Variants in MAP1B observed in about 807,000 individuals in gnomAD.
The protein encoded by MAP1B is microtubule associated protein 1B.
Under a neutral mutation model 176.1 loss-of-function variants are expected in MAP1B, and 12 were observed. That is an observed-to-expected ratio of 0.07 (90% CI 0.04 to 0.11). The LOEUF is 0.11. Ranked by LOEUF, MAP1B falls within the 10% of genes least tolerant of loss-of-function variation. MAP1B has a pLI of 1.00. For synonymous variants in MAP1B, 1,044 were observed against 1,135.0 expected (o/e 0.92, Z 1.61); for missense variants, 2,523 against 2,990.5 (o/e 0.84, Z 3.65).
chr5:72,112,585 A>T lies in MAP1B; in HGVS notation c.185-3113A>T, dbSNP rs1198792241. Among the ~76,000 whole-genome samples the T allele has an allele frequency of 2.0e-5, 3 of 152,070 alleles. No homozygotes were observed. The East Asian group carries it at 5.8e-4, about 29-fold the overall frequency. ...AGCCTCCCTTGTGTGCACTGCTACC[A>T]CCTGGGGTCAGAGAACTGAGAAGGA... On this transcript the variant is annotated intron_variant, in intron 1 of 6. Coordinates refer to ENST00000296755, the MANE Select transcript of MAP1B (RefSeq NM_005909.5).
Position 72,186,706 on chromosome 5 carries a change from C to A in MAP1B, c.462C>A (p.Ser154=). The A allele has an allele frequency of 6.2e-7, 1 of 1,614,114 alleles. No homozygotes were observed. The highest frequency in any genetic ancestry group is 8.5e-7 in the Non-Finnish European group (1 of 1,180,002). ...FENTGELILQ[S]GSFSFQNFIE... is the part of the protein sequence containing the mutation. ...ATACCGGAGAGCTCATTCTCCAGTC[C>A]GGCTCTTTCTCCTTCCAGAACTTCA... Residue 154 remains serine, a synonymous_variant, in exon 4 of 7, where the codon TCC becomes TCA. Coordinates refer to ENST00000296755, the MANE Select transcript of MAP1B (RefSeq NM_005909.5). This position sits in a 1 kb window ranked among gnomAD's most constrained non-coding sequence, Gnocchi z 4.3.
Position 72,207,646 on chromosome 5 carries a change from G to A in MAP1B, c.*2407G>A, listed in dbSNP as rs1301352908. On this transcript the variant is annotated 3_prime_UTR_variant, in exon 7 of 7. Coordinates refer to ENST00000296755, the MANE Select transcript of MAP1B (RefSeq NM_005909.5). ...TTGTGACGCCAATGAATTTCATTGAGTATAAACTCATCTACTTCAAATTTA... is the reference window on the plus strand; with the variant it reads ...TTGTGACGCCAATGAATTTCATTGAATATAAACTCATCTACTTCAAATTTA... 1 of 152,262 alleles carries A rather than the reference G, an allele frequency of 6.6e-6. No homozygotes were observed. The highest frequency in any genetic ancestry group is 1.9e-4 in the East Asian group (1 of 5,190). The allele number at this position is 152,262 out of a possible 1,614,324, so 9.4% of individuals were successfully genotyped here. A position where few individuals can be genotyped will look rare whatever the true frequency, so the allele number is the denominator to read the frequency against.
chr5:72,123,019 C>T (rs1215584239), intron 2 of MAP1B, among the ~76,000 whole-genome samples: 1 of 152,106 alleles, frequency 6.6e-6, no homozygotes, highest in East Asian at 1.9e-4. Flanking sequence ...TTTGCTTTTT[C>T]TGCCTGCTTT....
chr5:72,194,665 T>A lies in MAP1B; in HGVS notation c.1310T>A (p.Phe437Tyr). 1 of 1,614,150 alleles carries A rather than the reference T, an allele frequency of 6.2e-7. No homozygotes were observed. The highest frequency in any genetic ancestry group is 8.5e-7 in the Non-Finnish European group (1 of 1,180,034). The change falls in exon 5 of 7, where the codon TTT becomes TAT. Residue 437 changes from phenylalanine to tyrosine, a missense_variant. This residue lies in a region of MAP1B where 1,925 missense variants were observed against 2,126.0 expected (regional missense o/e 0.91). Coordinates refer to ENST00000296755, the MANE Select transcript of MAP1B (RefSeq NM_005909.5). The surrounding 1 kb of genome is among the most constrained non-coding windows in gnomAD (Gnocchi z 7.2). Reference protein sequence around the residue: ...PVKSSKEMQYFMQQWTGTNKD... With the variant: ...PVKSSKEMQYYMQQWTGTNKD... ...AAGAGCAGCAAGGAAATGCAGTATTTTATGCAGCAGTGGACTGGTACCAAC... is the reference window on the plus strand; with the variant it reads ...AAGAGCAGCAAGGAAATGCAGTATTATATGCAGCAGTGGACTGGTACCAAC...
At chr5:72,179,513 T>C (rs1746721769) in intron 2 of MAP1B, 1 of 564,348 alleles carries the variant, frequency 1.8e-6, no homozygotes, top group East Asian at 1.4e-4. Flanking sequence ...ATATGCAACT[T>C]TGTGAGCATC....
chr5:72,150,969 G>A (rs1440933345), intron 2 of MAP1B, among the ~76,000 whole-genome samples: 2 of 152,138 alleles, frequency 1.3e-5, no homozygotes, highest in African/African-American at 4.8e-5. Context: ...ACAAAGCTTT[G>A]GATAAATGGG....
In MAP1B at chr5:72,199,302, C is replaced by T; in HGVS notation, c.5947C>T (p.Leu1983Phe). 2 of 1,614,126 alleles carry T rather than the reference C, an allele frequency of 1.2e-6. No individual in the cohort carries two copies. Among genetic ancestry groups the T allele is most frequent in the Non-Finnish European group, 1.7e-6 (2 of 1,180,036 alleles). The change falls in exon 5 of 7, where the codon CTT (leucine) becomes TTT (phenylalanine). Residue 1983 changes from leucine (L) to phenylalanine (F), a missense_variant. Physicochemically the swap from Leu to Phe is conservative, Grantham distance 22. Coordinates refer to ENST00000296755, the MANE Select transcript of MAP1B (RefSeq NM_005909.5). This position sits in a 1 kb window ranked among gnomAD's most constrained non-coding sequence, Gnocchi z 4.2. ...SYEKTERSRR[L>F]LDDISNGYDD... The stretch of plus-strand genomic sequence containing the variant: ...TGAAAAGACTGAGAGGTCTAGAAGG[C>T]TTCTGGATGACATCAGCAATGGCTA...
intron 2 of MAP1B, chr5:72,179,579 G>T: frequency 1.0e-6 from 1 of 981,452 alleles, no homozygotes; most frequent in Non-Finnish European, 1.2e-6. Context: ...GGCACCCACG[G>T]GTATGCCAGG....
chr5:72,197,167 C>T lies in MAP1B; in HGVS notation c.3812C>T (p.Pro1271Leu). The change falls in exon 5 of 7, where the codon CCC becomes CTC. Residue 1271 changes from proline (P) to leucine (L), a missense_variant. Physicochemically the swap from Pro to Leu is moderately conservative, Grantham distance 98 (BLOSUM62 -3). Coordinates refer to ENST00000296755, the MANE Select transcript of MAP1B (RefSeq NM_005909.5). ...CCACCATCACCCTTAGAAAAGACCC[C>T]CCTGGGTGAACGTAGTGTGAACTTC... is the stretch of plus-strand genomic sequence containing the variant. ...PSPPSPLEKT[P>L]LGERSVNFSL... is the part of the protein sequence containing the mutation. The T allele has an allele frequency of 6.2e-7, 1 of 1,614,170 alleles. No individual in the cohort carries two copies. Among genetic ancestry groups the T allele is most frequent in the Non-Finnish European group, 8.5e-7 (1 of 1,180,028 alleles).
intron 2 of MAP1B, among the ~76,000 whole-genome samples, chr5:72,148,711 G>C (rs988028576): frequency 6.6e-6 from 1 of 152,270 alleles, no homozygotes; most frequent in Non-Finnish European, 1.5e-5. Flanking sequence ...AAGGAGGTGT[G>C]TTTGCAGTAA....
Position 72,198,655 on chromosome 5 carries a change from C to T in MAP1B, c.5300C>T (p.Ser1767Phe). Residue 1767 changes from serine (S) to phenylalanine (F), a missense_variant, in exon 5 of 7, where the codon TCT (serine) becomes TTT (phenylalanine). Around this residue, in one of 4 missense-constraint regions of MAP1B, gnomAD observed 1,925 missense variants for 2,126.0 expected, o/e 0.91. Coordinates refer to ENST00000296755, the MANE Select transcript of MAP1B (RefSeq NM_005909.5). Reference sequence around the variant, plus strand: ...ATGTCCTTATATGCCTCACTCACCTCTGAAAAAGTGCAAAGTCTGGAAGGA... The same window carrying T: ...ATGTCCTTATATGCCTCACTCACCTTTGAAAAAGTGCAAAGTCTGGAAGGA... ...RDMSLYASLTSEKVQSLEGEK... is the reference protein window; with the variant it reads ...RDMSLYASLTFEKVQSLEGEK... 1 of 1,614,212 alleles carries T rather than the reference C, an allele frequency of 6.2e-7. No individual in the cohort carries two copies. Among genetic ancestry groups the T allele is most frequent in the Non-Finnish European group, 8.5e-7 (1 of 1,180,038 alleles).
intron 2 of MAP1B, among the ~76,000 whole-genome samples, chr5:72,154,643 T>C (rs764278471): frequency 3.3e-5 from 5 of 152,216 alleles, no homozygotes; most frequent in Non-Finnish European, 7.3e-5. Flanking sequence ...AGGTGCTTAA[T>C]AGAACCAGGC....
chr5:72,139,731 G>A (rs928040754), intron 2 of MAP1B, among the ~76,000 whole-genome samples: 8 of 152,264 alleles, frequency 5.3e-5, no homozygotes, highest in African/African-American at 1.4e-4. Context: ...AGGAAACCTC[G>A]TATATAGTTT....
At position 72,199,494 on chromosome 5, in the gene MAP1B, A is replaced by G; in HGVS notation, c.6139A>G (p.Lys2047Glu). The change falls in exon 5 of 7, where the codon AAA becomes GAA. Residue 2047 changes from lysine (K) to glutamate (E), a missense_variant. Physicochemically the swap from Lys to Glu is moderately conservative, Grantham distance 56 (BLOSUM62 1). Around this residue, in one of 4 missense-constraint regions of MAP1B, gnomAD observed 1,925 missense variants for 2,126.0 expected, o/e 0.91. Transcript: ENST00000296755. The surrounding 1 kb of genome is among the most constrained non-coding windows in gnomAD (Gnocchi z 4.2). ...CACATACTGTTACGAGACTGCAGAGAAAATCACTAGAACCCCTCAGGCATC... is the reference window on the plus strand; with the variant it reads ...CACATACTGTTACGAGACTGCAGAGGAAATCACTAGAACCCCTCAGGCATC... ...TSTYCYETAE[K>E]ITRTPQASTY... 19 of 1,614,208 alleles carry G rather than the reference A, an allele frequency of 1.2e-5. No homozygotes were observed. The highest frequency in any genetic ancestry group is 1.6e-5 in the Non-Finnish European group (19 of 1,180,042).
rs181529726 is a variant in MAP1B at position 72,204,130 on chromosome 5, C to T, written c.7251+329C>T. Among the ~76,000 whole-genome samples the T allele has an allele frequency of 8.1e-4, 123 of 152,286 alleles. No homozygotes were observed. Among genetic ancestry groups the T allele is most frequent in the African/African-American group, 2.6e-3 (107 of 41,562 alleles). On this transcript the variant is annotated intron_variant, in intron 6 of 6. Transcript: ENST00000296755. This position sits in a 1 kb window ranked among gnomAD's most constrained non-coding sequence, Gnocchi z 4.4. ...AGAGTCTTGTGTGTGTGAATCAAAG[C>T]GGTCATATTTCCATATGAGAGCTCC...
In MAP1B at chr5:72,115,845, A is replaced by G. The variant is rs115429273; in HGVS notation, c.286+46A>G. 8.0e-4 allele frequency: 1,078 copies of G among 1,349,926 alleles called. 8 individuals carry two copies. The African/African-American group carries it at 0.014, about 18-fold the overall frequency. 83.6% of individuals were successfully genotyped at this position (1,349,926 alleles called of 1,614,324 possible). A position where few individuals can be genotyped will look rare whatever the true frequency, so the allele number is the denominator to read the frequency against. ...TGGTCAGCCTAGAATTCCAAAGGAC[A>G]AGGAGCAAGCTAGAAAGCTTTGTCT... On this transcript the variant is annotated intron_variant, in intron 2 of 6. Coordinates refer to ENST00000296755, the MANE Select transcript of MAP1B (RefSeq NM_005909.5).
chr5:72,108,512 C>T (rs1334215812), intron 1 of MAP1B, among the ~76,000 whole-genome samples: 2 of 152,230 alleles, frequency 1.3e-5, no homozygotes, highest in Non-Finnish European at 2.9e-5. Context: ...AGGGTCAGCT[C>T]CTCGCCCGGT....
chr5:72,126,034 T>A (rs901965439), intron 2 of MAP1B, among the ~76,000 whole-genome samples: 1 of 152,206 alleles, frequency 6.6e-6, no homozygotes, highest in Non-Finnish European at 1.5e-5. Flanking sequence ...GTGAAATGTT[T>A]TAAGGAAATA....
chr5:72,199,058 G>A lies in MAP1B; in HGVS notation c.5703G>A (p.Val1901=), dbSNP rs1473304114. The A allele has an allele frequency of 1.2e-6, 2 of 1,614,080 alleles. No homozygotes were observed. Among genetic ancestry groups the A allele is most frequent in the Admixed American group, 1.7e-5 (1 of 60,028 alleles). Residue 1901 remains valine (V), a synonymous_variant, in exon 5 of 7, where the codon GTG becomes GTA. Coordinates refer to ENST00000296755, the MANE Select transcript of MAP1B (RefSeq NM_005909.5). The surrounding 1 kb of genome is among the most constrained non-coding windows in gnomAD (Gnocchi z 4.2). ...SYEKTTRTSD[V]GGYYYEKIER... The stretch of plus-strand genomic sequence containing the variant: ...AGAAGACCACCCGGACCTCAGATGT[G>A]GGTGGCTATTACTATGAGAAGATAG...
Sources: gnomAD v4.1 joint callset for allele counts (sites outside exome capture counted in the v4.1 genomes callset) on GRCh38, gnomAD v4.1.1 for gene constraint, gnomAD v4.1.1 regional missense constraint, Gnocchi (gnomAD v3.1) non-coding constraint, MANE v1.5 for transcripts, NCBI Gene and HGNC (gene_info 2026-07-23, HGNC 2026-07-21) for gene names.